Variants in MINK1 observed in about 807,000 individuals in gnomAD.
MINK1 encodes the protein misshapen-like kinase 1.
Under a neutral mutation model 178.4 loss-of-function variants are expected in MINK1, and 46 were observed. That is an observed-to-expected ratio of 0.26 (90% CI 0.20 to 0.33). The LOEUF (loss-of-function observed/expected upper bound fraction) is 0.33, where lower values mean the gene tolerates loss of function less well. MINK1 is among the 10% of genes least tolerant of loss of function. The pLI is 1.00. For synonymous variants in MINK1, 797 were observed against 709.7 expected (o/e 1.12, Z -1.96); for missense variants, 1,366 against 1,814.9 (o/e 0.75, Z 4.49).
Position 4,885,097 on chromosome 17 carries a change from CCCTT to C in MINK1, c.508+99_508+102del, listed in dbSNP as rs1968071281. 2.6e-6 allele frequency: 3 copies of C among 1,154,348 alleles called. No individual in the cohort carries two copies. Among genetic ancestry groups the C allele is most frequent in the Non-Finnish European group, 3.8e-6 (3 of 790,282 alleles). 71.5% of individuals were successfully genotyped at this position (1,154,348 alleles called of 1,614,324 possible). The stretch of plus-strand genomic sequence containing the variant: ...TCTCTCTGGTGGCTCAGGCCCAACT[CCCTT>C]CCTACTGGGGAGGCTCACTCCCTCC... On this transcript the variant is annotated intron_variant, in intron 6 of 31. Coordinates refer to ENST00000355280, the MANE Select transcript of MINK1 (RefSeq NM_153827.5). This position sits in a 1 kb window ranked among gnomAD's most constrained non-coding sequence, Gnocchi z 5.0.
rs1967649716 is a variant in MINK1, at chr17:4,880,970, CCTCT to C, written c.124-13_124-10del. 3.4e-6 allele frequency: 5 copies of C among 1,491,478 alleles called. No homozygotes were observed. In the Admixed American group the frequency reaches 8.9e-5, roughly 26 times the overall value. The allele number at this position is 1,491,478 out of a possible 1,614,324, so 92.4% of individuals were successfully genotyped here. On this transcript the variant is annotated splice_polypyrimidine_tract_variant and intron_variant, in intron 2 of 31. Transcript: ENST00000355280. ...CACCCTCTGAGCATAGACTCAGATC[CCTCT>C]GTCCCGCAGGGTCGGCATGTCAAGA... is the stretch of plus-strand genomic sequence containing the variant.
intron 1 of MINK1, chr17:4,856,667 C>G (rs1383182221): frequency 6.6e-6 from 1 of 152,220 alleles, no homozygotes; most frequent in Non-Finnish European, 1.5e-5. Context: ...CTAATTCATC[C>G]TTATACATAG....
At chr17:4,839,080 A>G (rs955835058) in intron 1 of MINK1, among the ~76,000 whole-genome samples, 1 of 151,780 alleles carries the variant, frequency 6.6e-6, no homozygotes, top group Non-Finnish European at 1.5e-5. Context: ...AGTAGCTGGG[A>G]CTATAGGCGC....
chr17:4,863,509 G>C (rs4790711), intron 1 of MINK1, among the ~76,000 whole-genome samples: 62,624 of 152,012 alleles, frequency 0.41, 15,628 homozygotes, highest in Non-Finnish European at 0.57. Flanking sequence ...GGGCTAGAAA[G>C]GGGAGGAAAT....
At position 4,892,975 on chromosome 17, in the gene MINK1, C is replaced by A. The variant is rs377227759; in HGVS notation, c.2312-4C>A. The A allele has an allele frequency of 1.3e-5, 21 of 1,563,264 alleles. No individual in the cohort carries two copies. Among genetic ancestry groups the A allele is most frequent in the Non-Finnish European group, 1.7e-5 (20 of 1,154,446 alleles). ...CAGTGACCTTCTTCCACCCTGCCGT[C>A]CAGTCTCCTCCAAACCGGACAGCTC... On this transcript the variant is annotated splice_region_variant and splice_polypyrimidine_tract_variant and intron_variant, in intron 19 of 31. Transcript: ENST00000355280.
Position 4,885,029 on chromosome 17 carries a change from G to A in MINK1, c.508+27G>A, listed in dbSNP as rs371488491. The A allele has an allele frequency of 1.8e-4, 282 of 1,609,876 alleles. No homozygotes were observed. Among genetic ancestry groups the A allele is most frequent in the Non-Finnish European group, 2.3e-4 (272 of 1,176,894 alleles). On this transcript the variant is annotated intron_variant, in intron 6 of 31. Transcript: ENST00000355280. This position sits in a 1 kb window ranked among gnomAD's most constrained non-coding sequence, Gnocchi z 5.0. The stretch of plus-strand genomic sequence containing the variant: ...TGCGCCGGCTCCTTCTGAGGCTGAC[G>A]AGGACCTTTCACCTCCAGAACAGAG...
At chr17:4,860,014 G>T (rs1597436071) in intron 1 of MINK1, among the ~76,000 whole-genome samples, 1 of 150,568 alleles carries the variant, frequency 6.6e-6, no homozygotes, top group South Asian at 2.1e-4. Context: ...GAGGGAAGGG[G>T]CGCGTCCGGG....
intron 1 of MINK1, chr17:4,870,938 A>G: frequency 6.1e-6 from 1 of 163,148 alleles, no homozygotes; most frequent in South Asian, 1.4e-4. Flanking sequence ...CATTATCCCC[A>G]GATGAAACCC....
Position 4,833,471 on chromosome 17 carries a change from C to G in MINK1, c.-113C>G. 1 of 845,712 alleles carries G rather than the reference C, an allele frequency of 1.2e-6. No individual in the cohort carries two copies. The allele number at this position is 845,712 out of a possible 1,614,324, so 52.4% of individuals were successfully genotyped here. On this transcript the variant is annotated 5_prime_UTR_variant, in exon 1 of 32. Transcript: ENST00000355280. The surrounding 1 kb of genome is among the most constrained non-coding windows in gnomAD (Gnocchi z 4.8). ...CCCCCTCCCCGGTCTCCGGGGGAGG[C>G]GCGGTGGAGTCCGCCCCCGGGGTTC...
At chr17:4,857,469 T>G (rs1913370276) in intron 1 of MINK1, 1 of 142,442 alleles carries the variant, frequency 7.0e-6, no homozygotes, top group Non-Finnish European at 1.5e-5. Context: ...TTTTTTTTTT[T>G]TTTTTTTTTT....
chr17:4,897,501 G>A lies in MINK1; in HGVS notation c.*214G>A. The A allele has an allele frequency of 1.9e-6, 1 of 533,512 alleles. No homozygotes were observed. The highest frequency in any genetic ancestry group is 2.3e-5 in the South Asian group (1 of 42,658). The allele number at this position is 533,512 out of a possible 1,614,324, so 33.0% of individuals were successfully genotyped here. A position where few individuals can be genotyped will look rare whatever the true frequency, so the allele number is the denominator to read the frequency against. On this transcript the variant is annotated 3_prime_UTR_variant, in exon 32 of 32. Coordinates refer to ENST00000355280, the MANE Select transcript of MINK1 (RefSeq NM_153827.5). ...ATGTCCTCTTCCCAAAACTGTGCCT[G>A]TCCCCAGCTTCTGGGGAGGGACACA...
chr17:4,840,044 CAA>C lies in MINK1; in HGVS notation c.57+6405_57+6406del, dbSNP rs1404704798. Among the ~76,000 whole-genome samples, 5 of 150,092 alleles carry C rather than the reference CAA, an allele frequency of 3.3e-5. No homozygotes were observed. In the East Asian group the frequency reaches 7.8e-4, roughly 24 times the overall value. On this transcript the variant is annotated intron_variant, in intron 1 of 31. Coordinates refer to ENST00000355280, the MANE Select transcript of MINK1 (RefSeq NM_153827.5). The stretch of plus-strand genomic sequence containing the variant: ...TTTAACATGCCGTGGGCACATATAA[CAA>C]GAGTTGTTTTGAGCATATGTTCTCA...
chr17:4,895,933 A>G lies in MINK1; in HGVS notation c.3365-70A>G. 1 of 1,571,696 alleles carries G rather than the reference A, an allele frequency of 6.4e-7. No individual in the cohort carries two copies. The highest frequency in any genetic ancestry group is 1.9e-5 in the Admixed American group (1 of 52,914). ...GGGGCCTGGGTGGGGCAGTGTAGTG[A>G]CAGACCACGGGGAGGCGCCCGTGGC... On this transcript the variant is annotated intron_variant, in intron 27 of 31. Transcript: ENST00000355280. This position sits in a 1 kb window ranked among gnomAD's most constrained non-coding sequence, Gnocchi z 4.3.
chr17:4,869,364 C>A (rs566568886), intron 1 of MINK1, among the ~76,000 whole-genome samples: 4 of 152,002 alleles, frequency 2.6e-5, no homozygotes, highest in African/African-American at 9.7e-5. Flanking sequence ...GTAACTTCCA[C>A]CTCCCAGAGT....
intron 1 of MINK1, chr17:4,875,467 C>T: frequency 2.2e-6 from 1 of 453,718 alleles, no homozygotes; most frequent in Non-Finnish European, 4.4e-6. Context: ...AGAGCGAGAT[C>T]TGACTCTAAA....
chr17:4,886,997 G>T lies in MINK1; in HGVS notation c.950-113G>T. On this transcript the variant is annotated intron_variant, in intron 10 of 31. Coordinates refer to ENST00000355280, the MANE Select transcript of MINK1 (RefSeq NM_153827.5). The surrounding 1 kb of genome is among the most constrained non-coding windows in gnomAD (Gnocchi z 6.1). ...CCATTGCCCCCAGGAAGTGGGTGGGGCCCCTCATGCTTGCCCAGCCAGAGA... is the reference window on the plus strand; with the variant it reads ...CCATTGCCCCCAGGAAGTGGGTGGGTCCCCTCATGCTTGCCCAGCCAGAGA... The T allele has an allele frequency of 8.8e-7, 1 of 1,137,602 alleles. No homozygotes were observed. The highest frequency in any genetic ancestry group is 1.3e-6 in the Non-Finnish European group (1 of 794,176). The allele number at this position is 1,137,602 out of a possible 1,614,324, so 70.5% of individuals were successfully genotyped here. A position where few individuals can be genotyped will look rare whatever the true frequency, so the allele number is the denominator to read the frequency against.
Position 4,894,366 on chromosome 17 carries a change from GA to G in MINK1, c.2808+56del. 1 of 1,582,944 alleles carries G rather than the reference GA, an allele frequency of 6.3e-7. No homozygotes were observed. The highest frequency in any genetic ancestry group is 1.8e-5 in the Admixed American group (1 of 54,550). The stretch of plus-strand genomic sequence containing the variant: ...AGAGAAGAGCCCTGGCGATGGGCAG[GA>G]GGTCCCGGTGCTGGGTAACGGCAGA... On this transcript the variant is annotated intron_variant, in intron 23 of 31. Transcript: ENST00000355280. The surrounding 1 kb of genome is among the most constrained non-coding windows in gnomAD (Gnocchi z 4.1).
intron 1 of MINK1, among the ~76,000 whole-genome samples, chr17:4,861,458 C>T (rs746678329): frequency 1.1e-4 from 16 of 152,274 alleles, no homozygotes; most frequent in Non-Finnish European, 1.8e-4. Context: ...GAGTCCAACA[C>T]TTGTATGGTA....
intron 1 of MINK1, among the ~76,000 whole-genome samples, chr17:4,849,868 C>T (rs542463020): frequency 1.2e-3 from 182 of 152,280 alleles, no homozygotes; most frequent in Non-Finnish European, 1.5e-3. Context: ...CCACCGCGCC[C>T]GGCTGGTCTC....
Sources: gnomAD v4.1 joint callset for allele counts (sites outside exome capture counted in the v4.1 genomes callset) on GRCh38, gnomAD v4.1.1 for gene constraint, Gnocchi (gnomAD v3.1) non-coding constraint, MANE v1.5 for transcripts, NCBI Gene and HGNC (gene_info 2026-07-23, HGNC 2026-07-21) for gene names.